PCDHGA12: variants seen among roughly 807,000 people sequenced by gnomAD.
PCDHGA12 encodes protocadherin gamma-A12.
Under a neutral mutation model 61.1 loss-of-function variants are expected in PCDHGA12, and 43 were observed. The observed-to-expected ratio is 0.70, with a 90% CI of 0.55 to 0.91. The LOEUF is 0.91. PCDHGA12 is among the 40% of genes least tolerant of loss of function. The probability of loss-of-function intolerance (pLI) is 0.00; values close to 1 mark genes in which losing one functional copy is unlikely to be tolerated. For missense variants in PCDHGA12, 1,236 were observed against 1,227.7 expected (o/e 1.01, Z -0.10); for synonymous variants, 520 against 542.9 (o/e 0.96, Z 0.59).
At position 141,497,121 on chromosome 5, in the gene PCDHGA12, G is replaced by T. The variant is rs185298630; in HGVS notation, c.2483+2256G>T. Among the ~76,000 whole-genome samples, 563 of 152,212 alleles carry T rather than the reference G, an allele frequency of 3.7e-3. 5 individuals are homozygous for T. The highest frequency in any genetic ancestry group is 0.011 in the Admixed American group (164 of 15,296). On this transcript the variant is annotated intron_variant, in intron 2 of 3. Coordinates refer to ENST00000252085, the MANE Select transcript of PCDHGA12 (RefSeq NM_003735.3). Reference sequence around the variant, plus strand: ...GAACTGCTTGAACCCGGAAGGCAGAGGTTGCAGTGAGCTGAGATCACGAAA... The same window carrying T: ...GAACTGCTTGAACCCGGAAGGCAGATGTTGCAGTGAGCTGAGATCACGAAA...
intron 1 of PCDHGA12, chr5:141,442,056 C>T: frequency 5.0e-6 from 1 of 198,150 alleles, no homozygotes; most frequent in Non-Finnish European, 1.0e-5. Flanking sequence ...GGTCGCGGTG[C>T]ACTGCGGTGG....
At position 141,511,983 on chromosome 5, in the gene PCDHGA12, G is replaced by A. The variant is rs904146751; in HGVS notation, c.*810G>A. 6.5e-6 allele frequency: 1 copy of A among 153,280 alleles called. No homozygotes were observed. The highest frequency in any genetic ancestry group is 1.5e-5 in the Non-Finnish European group (1 of 68,572). The allele number at this position is 153,280 out of a possible 1,614,324, so 9.5% of individuals were successfully genotyped here. A position where few individuals can be genotyped will look rare whatever the true frequency, so the allele number is the denominator to read the frequency against. ...AGGGAAGTGTGTGGATGTGGATGGT[G>A]GGGGCATGGACAAAGCTTGACACAT... On this transcript the variant is annotated 3_prime_UTR_variant, in exon 4 of 4. Coordinates refer to ENST00000252085, the MANE Select transcript of PCDHGA12 (RefSeq NM_003735.3).
intron 1 of PCDHGA12, among the ~76,000 whole-genome samples, chr5:141,472,264 G>A (rs925973401): frequency 1.3e-4 from 20 of 152,068 alleles, no homozygotes; most frequent in African/African-American, 3.6e-4. Context: ...TATTATAGCC[G>A]GGCACAGTGG....
At position 141,494,838 on chromosome 5, in the gene PCDHGA12, C is replaced by T; in HGVS notation, c.2456C>T (p.Ser819Phe). 4.3e-6 allele frequency: 7 copies of T among 1,614,166 alleles called. No homozygotes were observed. Among genetic ancestry groups the T allele is most frequent in the Non-Finnish European group, 3.4e-6 (4 of 1,180,032 alleles). Residue 819 changes from serine (S) to phenylalanine (F), a missense_variant, in exon 2 of 4, where the codon TCT becomes TTT. By Grantham distance (155) the Ser-to-Phe change is radical. Transcript: ENST00000252085. ...CCGCCCAACACGGACTGGCGTTTCT[C>T]TCAGGCCCAGAGACCCGGCACCAGC... ...QAPPNTDWRF[S>F]QAQRPGTSGS...
intron 1 of PCDHGA12, among the ~76,000 whole-genome samples, chr5:141,469,914 C>T (rs1451982311): frequency 6.6e-6 from 1 of 152,082 alleles, no homozygotes. Flanking sequence ...GCAGACCACC[C>T]GAGGTCAGGA....
intron 3 of PCDHGA12, 43 bp from the exon 4 acceptor site, chr5:141,510,903 GA>G: frequency 6.2e-7 from 1 of 1,613,454 alleles, no homozygotes; most frequent in Non-Finnish European, 8.5e-7. Flanking sequence ...GACTGTTGAG[GA>G]CCCTAAGTTT....
rs1231863269 is a variant in PCDHGA12 at position 141,485,594 on chromosome 5, G to A, written c.2425-9213G>A. 1.9e-6 allele frequency: 3 copies of A among 1,612,578 alleles called. No individual in the cohort carries two copies. The highest frequency in any genetic ancestry group is 2.5e-6 in the Non-Finnish European group (3 of 1,178,798). On this transcript the variant is annotated intron_variant, in intron 1 of 3. Transcript: ENST00000252085. The surrounding 1 kb of genome is among the most constrained non-coding windows in gnomAD (Gnocchi z 5.7). ...TTTTCCGCGGCAGCAGCTGGACTTGGAAATTGGGGAGGCAGCTCCTCCAGG... is the reference window on the plus strand; with the variant it reads ...TTTTCCGCGGCAGCAGCTGGACTTGAAAATTGGGGAGGCAGCTCCTCCAGG...
rs147674746 is a variant in PCDHGA12, at chr5:141,477,348, C to G, written c.2425-17459C>G. 7 of 1,614,180 alleles carry G rather than the reference C, an allele frequency of 4.3e-6. No individual in the cohort carries two copies. Among genetic ancestry groups the G allele is most frequent in the Non-Finnish European group, 5.9e-6 (7 of 1,180,030 alleles). ...CTCAAGAATTACTTCACTTTGAAAA[C>G]CAGTGCAGACCTGGATCGGGAGACT... is the stretch of plus-strand genomic sequence containing the variant. On this transcript the variant is annotated intron_variant, in intron 1 of 3. Transcript: ENST00000252085. The surrounding 1 kb of genome is among the most constrained non-coding windows in gnomAD (Gnocchi z 4.9).
chr5:141,460,624 T>TA (rs1464862917), intron 1 of PCDHGA12, among the ~76,000 whole-genome samples: 2 of 152,128 alleles, frequency 1.3e-5, no homozygotes, highest in African/African-American at 4.8e-5. Context: ...GATAGACAGA[T>TA]ACAGATATAT....
rs376661062 is a variant in PCDHGA12, at chr5:141,432,185, G to T, written c.1426G>T (p.Ala476Ser). 6.2e-6 allele frequency: 10 copies of T among 1,613,956 alleles called. No individual in the cohort carries two copies. The highest frequency in any genetic ancestry group is 8.5e-6 in the Non-Finnish European group (10 of 1,180,030). ...AGGAGTTTCCCTCGTCTCTGTGACC[G>T]CCCACGACCCCGACTGTGAAGAGAA... ...PRGVSLVSVT[A>S]HDPDCEENAQ... The change falls in exon 1 of 4, where the codon GCC (alanine) becomes TCC (serine). Residue 476 changes from alanine (A) to serine (S), a missense_variant. Physicochemically the swap from Ala to Ser is moderately conservative, Grantham distance 99. Coordinates refer to ENST00000252085, the MANE Select transcript of PCDHGA12 (RefSeq NM_003735.3). The surrounding 1 kb of genome is among the most constrained non-coding windows in gnomAD (Gnocchi z 6.0).
intron 1 of PCDHGA12, chr5:141,439,807 G>A (rs2098132839): frequency 6.6e-6 from 1 of 152,336 alleles, no homozygotes; most frequent in African/African-American, 2.4e-5. Context: ...AGTTTGAAAA[G>A]GGGCTTATTT....
At chr5:141,505,332 A>C in intron 2 of PCDHGA12, 61 bp from the exon 3 acceptor site, 1 of 1,610,872 alleles carries the variant, frequency 6.2e-7, no homozygotes, top group South Asian at 1.1e-5. Flanking sequence ...GGGAGAGGAC[A>C]GGAGGGGCAT....
In PCDHGA12 at chr5:141,487,493, C is replaced by T; in HGVS notation, c.2425-7314C>T. 6.2e-7 allele frequency: 1 copy of T among 1,614,168 alleles called. No individual in the cohort carries two copies. The highest frequency in any genetic ancestry group is 1.1e-5 in the South Asian group (1 of 91,088). On this transcript the variant is annotated intron_variant, in intron 1 of 3. Coordinates refer to ENST00000252085, the MANE Select transcript of PCDHGA12 (RefSeq NM_003735.3). The surrounding 1 kb of genome is among the most constrained non-coding windows in gnomAD (Gnocchi z 5.0). ...GGGAGGCCACTCTCATGGCTGTACA[C>T]CCTTGGCTTCTGCACCCACTCGGAG...
chr5:141,431,678 T>G lies in PCDHGA12; in HGVS notation c.919T>G (p.Leu307Val). The G allele has an allele frequency of 6.2e-7, 1 of 1,614,084 alleles. No homozygotes were observed. Among genetic ancestry groups the G allele is most frequent in the Non-Finnish European group, 8.5e-7 (1 of 1,180,022 alleles). Residue 307 changes from leucine to valine, a missense_variant, in exon 1 of 4, where the codon TTG (leucine) becomes GTG (valine). By Grantham distance (32) the Leu-to-Val change is conservative. Transcript: ENST00000252085. This position sits in a 1 kb window ranked among gnomAD's most constrained non-coding sequence, Gnocchi z 4.8. ...AGGGACAATATCAACAATAGGGGAGTTGGACCACGAGGAGTCAGGATTCTA... is the reference window on the plus strand; with the variant it reads ...AGGGACAATATCAACAATAGGGGAGGTGGACCACGAGGAGTCAGGATTCTA... Reference protein sequence around the residue: ...NSGTISTIGELDHEESGFYQM... With the variant: ...NSGTISTIGEVDHEESGFYQM...
intron 1 of PCDHGA12, among the ~76,000 whole-genome samples, chr5:141,453,492 G>T (rs1046043468): frequency 6.6e-6 from 1 of 152,000 alleles, no homozygotes; most frequent in Non-Finnish European, 1.5e-5. Flanking sequence ...AAAAAAAGGT[G>T]TACTCAGAAA....
Position 141,476,966 on chromosome 5 carries a change from G to T in PCDHGA12, c.2425-17841G>T, listed in dbSNP as rs780645226. The T allele has an allele frequency of 6.2e-7, 1 of 1,614,152 alleles. No homozygotes were observed. Among genetic ancestry groups the T allele is most frequent in the Admixed American group, 1.7e-5 (1 of 60,032 alleles). On this transcript the variant is annotated intron_variant, in intron 1 of 3. Coordinates refer to ENST00000252085, the MANE Select transcript of PCDHGA12 (RefSeq NM_003735.3). The surrounding 1 kb of genome is among the most constrained non-coding windows in gnomAD (Gnocchi z 7.6). Reference sequence around the variant, plus strand: ...CAACGGTGAAATTATTTACTCCTTCGGCAGCCACAACCGCGCCGGCGTGCG... The same window carrying T: ...CAACGGTGAAATTATTTACTCCTTCTGCAGCCACAACCGCGCCGGCGTGCG...
Position 141,489,819 on chromosome 5 carries a change from G to T in PCDHGA12, c.2425-4988G>T. On this transcript the variant is annotated intron_variant, in intron 1 of 3. Transcript: ENST00000252085. This position sits in a 1 kb window ranked among gnomAD's most constrained non-coding sequence, Gnocchi z 4.5. ...TAAAAGATGGGAAGCCATTCCCAGA[G>T]CTGGTGCTAGAGCAGCAGCTGGATC... 6.2e-7 allele frequency: 1 copy of T among 1,614,190 alleles called. No homozygotes were observed.
intron 2 of PCDHGA12, among the ~76,000 whole-genome samples, chr5:141,495,296 T>TCCTCCAGAG (rs998633800): frequency 1.3e-5 from 2 of 152,054 alleles, no homozygotes; most frequent in Non-Finnish European, 2.9e-5. Flanking sequence ...ACTCAGCGCC[T>TCCTCCAGAG]CCTCCAGAGC....
In PCDHGA12 at chr5:141,486,661, G is replaced by T. The variant is rs373446844; in HGVS notation, c.2425-8146G>T. ...CGCTTATCTCCTACTCACTCCTGGA[G>T]CCCAGGAATCGAGATGTATCAGCTT... is the stretch of plus-strand genomic sequence containing the variant. On this transcript the variant is annotated intron_variant, in intron 1 of 3. Transcript: ENST00000252085. The surrounding 1 kb of genome is among the most constrained non-coding windows in gnomAD (Gnocchi z 5.0). 6.2e-6 allele frequency: 10 copies of T among 1,613,836 alleles called. No individual in the cohort carries two copies. Among genetic ancestry groups the T allele is most frequent in the African/African-American group, 4.0e-5 (3 of 74,918 alleles).
Sources: gnomAD v4.1 joint callset for allele counts (sites outside exome capture counted in the v4.1 genomes callset) on GRCh38, gnomAD v4.1.1 for gene constraint, Gnocchi (gnomAD v3.1) non-coding constraint, MANE v1.5 for transcripts, NCBI Gene and HGNC (gene_info 2026-07-23, HGNC 2026-07-21) for gene names.